The following ABCA12 variants were observed in gnomAD, a reference collection of about 807,000 sequenced individuals.
The protein encoded by ABCA12 is ATP binding cassette subfamily A member 12, also known as glucosylceramide transporter ABCA12.
In ABCA12, 156 loss-of-function variants were observed where a neutral mutation model predicts 293.5. That is an observed-to-expected ratio of 0.53 (90% CI 0.47 to 0.61). The LOEUF (loss-of-function observed/expected upper bound fraction) is 0.61. Among genes scored for constraint, ABCA12 ranks in the 20% least tolerant of loss-of-function variants. The pLI is 0.00. For synonymous variants in ABCA12, 1,063 were observed against 1,108.0 expected, an observed-to-expected ratio of 0.96 and a Z score of 0.81; for missense variants, 2,797 against 3,090.2, an observed-to-expected ratio of 0.91 and a Z score of 2.25.
rs79568733 is a variant in ABCA12, at chr2:215,079,164, A to G, written c.164-14945T>C. On this transcript the variant is annotated intron_variant, in intron 2 of 52. Transcript: ENST00000272895. Reference sequence around the variant, plus strand: ...TTCATCTGCAGAGATAACAGATACTAAAATCGCAACCCTCATACCATCTTT... The same window carrying G: ...TTCATCTGCAGAGATAACAGATACTGAAATCGCAACCCTCATACCATCTTT... Among the ~76,000 whole-genome samples the G allele has an allele frequency of 5.9e-3, 898 of 152,348 alleles. 7 individuals carry two copies. Among genetic ancestry groups the G allele is most frequent in the African/African-American group, 0.02 (817 of 41,582 alleles).
chr2:215,001,823 A>G (rs552312488), intron 20 of ABCA12, 86 bp from the exon 21 acceptor site: 3 of 1,144,166 alleles, frequency 2.6e-6, no homozygotes, highest in East Asian at 5.1e-5. Flanking sequence ...TTTTGTAAAT[A>G]CTAAACTAGA....
At chr2:215,135,948 C>T (rs2105924035) in intron 1 of ABCA12, among the ~76,000 whole-genome samples, 2 of 152,336 alleles carry the variant, frequency 1.3e-5, no homozygotes, top group East Asian at 3.9e-4. Context: ...TCCCCCTCCA[C>T]TCAGAATTGT....
intron 51 of ABCA12, among the ~76,000 whole-genome samples, chr2:214,935,624 C>G (rs755771216): frequency 3.9e-5 from 6 of 152,050 alleles, no homozygotes; most frequent in Non-Finnish European, 7.4e-5. Context: ...TAGTGAGATT[C>G]TGTCTCTACA....
chr2:215,129,330 T>C (rs1575062594), intron 1 of ABCA12, among the ~76,000 whole-genome samples: 1 of 152,310 alleles, frequency 6.6e-6, no homozygotes, highest in East Asian at 1.9e-4. Context: ...ATCTCAGGTC[T>C]CCAGGTCATG....
At chr2:215,045,462 A>C (rs1049600665) in intron 7 of ABCA12, among the ~76,000 whole-genome samples, 5 of 152,164 alleles carry the variant, frequency 3.3e-5, no homozygotes, top group African/African-American at 1.2e-4. Flanking sequence ...TCACTGAGAT[A>C]TTTTATTCCT....
rs1332579933 is a variant in ABCA12 at position 214,950,418 on chromosome 2, GTGTA to G, written c.6852+457_6852+460del. Among the ~76,000 whole-genome samples the G allele has an allele frequency of 2.3e-3, 335 of 144,230 alleles. 3 individuals carry two copies. Among genetic ancestry groups the G allele is most frequent in the African/African-American group, 8.4e-3 (306 of 36,242 alleles). 94.6% of individuals were successfully genotyped at this position (144,230 alleles called of 152,430 possible). ...TGTGTGTGTGTGTGTGTGTGTGTGT[GTGTA>G]TATATATGCATGTGTGTATATTTTC... On this transcript the variant is annotated intron_variant, in intron 45 of 52. Transcript: ENST00000272895.
At chr2:215,001,795 T>C in intron 20 of ABCA12, 58 bp from the exon 21 acceptor site, 2 of 1,439,624 alleles carry the variant, frequency 1.4e-6, no homozygotes, top group Admixed American at 3.6e-5. Context: ...CTGGTCGTAA[T>C]TAGATGAAAT....
chr2:214,969,994 A>G lies in ABCA12; in HGVS notation c.5690+279T>C, dbSNP rs1699350359. Among the ~76,000 whole-genome samples the G allele has an allele frequency of 2.0e-5, 3 of 152,082 alleles. No homozygotes were observed. In the South Asian group the frequency reaches 6.2e-4, roughly 31 times the overall value. ...AAACCTCTCCAAGTTGGTATAAGTC[A>G]GTCAATAAATTCCCTTTGGCTTCAA... On this transcript the variant is annotated intron_variant, in intron 37 of 52. Transcript: ENST00000272895.
Position 215,131,702 on chromosome 2 carries a change from G to T in ABCA12, c.69+6438C>A, listed in dbSNP as rs542478034. On this transcript the variant is annotated intron_variant, in intron 1 of 52. Coordinates refer to ENST00000272895, the MANE Select transcript of ABCA12 (RefSeq NM_173076.3). ...TTTTCATTCATTGATCCTTTCTATT[G>T]TTTTTTTTTTTTTTTTTTTTGGCCT... Among the ~76,000 whole-genome samples the T allele has an allele frequency of 8.8e-3, 705 of 80,104 alleles. 10 individuals are homozygous for T. Among genetic ancestry groups the T allele is most frequent in the Middle Eastern group, 0.048 (5 of 104 alleles). The allele number at this position is 80,104 out of a possible 152,430, so 52.6% of individuals were successfully genotyped here. A position where few individuals can be genotyped will look rare whatever the true frequency, so the allele number is the denominator to read the frequency against.
intron 1 of ABCA12, among the ~76,000 whole-genome samples, chr2:215,123,735 G>C (rs1262298924): frequency 6.7e-6 from 1 of 149,974 alleles, no homozygotes; most frequent in African/African-American, 2.5e-5. Flanking sequence ...ACCAACATCT[G>C]TTATTTTTTG....
intron 2 of ABCA12, among the ~76,000 whole-genome samples, chr2:215,094,941 T>C (rs1409217882): frequency 6.6e-6 from 1 of 152,164 alleles, no homozygotes; most frequent in Non-Finnish European, 1.5e-5. Flanking sequence ...TCTTCCTCTG[T>C]GGCTTCTCCA....
chr2:215,088,172 A>G (rs1376504769), intron 2 of ABCA12, among the ~76,000 whole-genome samples: 1 of 152,228 alleles, frequency 6.6e-6, no homozygotes, highest in Admixed American at 6.5e-5. Flanking sequence ...GCATGTACAG[A>G]TTTCTGTTTA....
chr2:214,981,623 A>G (rs563130791), intron 30 of ABCA12, among the ~76,000 whole-genome samples: 2 of 152,278 alleles, frequency 1.3e-5, no homozygotes, highest in South Asian at 4.1e-4. Context: ...AATCTTCAAA[A>G]TCTTCAGAAA....
rs759469135 is a variant in ABCA12 at position 215,026,929 on chromosome 2, A to C, written c.1071T>G (p.Ile357Met). ...AGAGGGCATCTTCAAAGTTTTCCAG[A>C]ATTAGGAGCCTGCAGAATTAGAAAA... is the stretch of plus-strand genomic sequence containing the variant. The part of the protein sequence containing the change: ...SPSSLAAQLL[I>M]LENFEDALLN... The change falls in exon 10 of 53, where the codon ATT (isoleucine) becomes ATG (methionine). Residue 357 changes from isoleucine (I) to methionine (M), a missense_variant. Physicochemically the swap from Ile to Met is conservative, Grantham distance 10 (BLOSUM62 1). Transcript: ENST00000272895. The C allele has an allele frequency of 3.2e-6, 5 of 1,582,134 alleles. No individual in the cohort carries two copies. The East Asian group carries it at 1.1e-4, about 35-fold the overall frequency.
chr2:215,072,082 T>C lies in ABCA12; in HGVS notation c.164-7863A>G, dbSNP rs565715294. 3.3e-5 allele frequency among the ~76,000 whole-genome samples: 5 copies of C among 152,290 alleles called. No individual in the cohort carries two copies. The East Asian group carries it at 9.7e-4, about 29-fold the overall frequency. ...GGTGGTAATGAGGGCTGAGGCAAGA[T>C]GCCTAATCCTGAAAGCAGTGATTAA... On this transcript the variant is annotated intron_variant, in intron 2 of 52. Transcript: ENST00000272895.
chr2:215,109,458 G>A (rs1335127445), intron 2 of ABCA12, among the ~76,000 whole-genome samples: 3 of 152,138 alleles, frequency 2.0e-5, no homozygotes, highest in African/African-American at 7.2e-5. Flanking sequence ...AGTCTGATAA[G>A]GTCTAAGAGA....
intron 49 of ABCA12, 52 bp downstream of exon 49, chr2:214,944,949 C>T (rs2105920241): frequency 6.8e-7 from 1 of 1,466,170 alleles, no homozygotes; most frequent in Admixed American, 1.7e-5. Context: ...CCTTTTCCCA[C>T]CTGTCATCCT....
In ABCA12 at chr2:215,067,847, T is replaced by G. The variant is rs547615050; in HGVS notation, c.164-3628A>C. Among the ~76,000 whole-genome samples, 47 of 152,260 alleles carry G rather than the reference T, an allele frequency of 3.1e-4. No individual in the cohort carries two copies. In the South Asian group the frequency reaches 9.7e-3, roughly 32 times the overall value. On this transcript the variant is annotated intron_variant, in intron 2 of 52. Coordinates refer to ENST00000272895, the MANE Select transcript of ABCA12 (RefSeq NM_173076.3). ...AATCAAACCAAACTATGAAACAATT[T>G]TGGGAACAAACCACCAGTTAACTCA...
intron 2 of ABCA12, among the ~76,000 whole-genome samples, chr2:215,070,388 T>C (rs1423637299): frequency 6.6e-6 from 1 of 151,890 alleles, no homozygotes; most frequent in Non-Finnish European, 1.5e-5. Flanking sequence ...TTTTTTTAAA[T>C]GTTTTTATTA....
Sources: gnomAD v4.1 joint callset for allele counts (sites outside exome capture counted in the v4.1 genomes callset) on GRCh38, gnomAD v4.1.1 for gene constraint, MANE v1.5 for transcripts, NCBI Gene and HGNC (gene_info 2026-07-23, HGNC 2026-07-21) for gene names.